ACSS3: variants seen among roughly 807,000 people sequenced by gnomAD.
The protein encoded by ACSS3 is acyl-CoA synthetase short-chain family member 3, mitochondrial.
Under a neutral mutation model 84.2 loss-of-function variants are expected in ACSS3, and 64 were observed. That is an observed-to-expected ratio of 0.76 (90% CI 0.62 to 0.94). The LOEUF is 0.94. Among genes scored for constraint, ACSS3 ranks in the 40% least tolerant of loss-of-function variants. ACSS3 has a pLI of 0.00. For missense variants in ACSS3, 815 were observed against 867.6 expected (o/e 0.94, Z 0.76); for synonymous variants, 317 against 310.1 (o/e 1.02, Z -0.23).
intron 7 of ACSS3, among the ~76,000 whole-genome samples, chr12:81,161,155 C>T (rs996431030): frequency 6.6e-6 from 1 of 152,182 alleles, no homozygotes; most frequent in South Asian, 2.1e-4. Flanking sequence ...CTTTCAAAGT[C>T]TGTTTGTCCT....
chr12:81,205,503 G>A (rs1282093186), intron 9 of ACSS3, among the ~76,000 whole-genome samples: 4 of 152,058 alleles, frequency 2.6e-5, no homozygotes, highest in Admixed American at 6.6e-5. Context: ...TAATTACTAA[G>A]AGTTTGATAA....
chr12:81,195,880 A>G (rs1565714775), intron 8 of ACSS3, among the ~76,000 whole-genome samples: 1 of 152,236 alleles, frequency 6.6e-6, no homozygotes, highest in Non-Finnish European at 1.5e-5. Flanking sequence ...CTCCTAGATA[A>G]TTTTGAATAT....
intron 1 of ACSS3, among the ~76,000 whole-genome samples, chr12:81,078,713 T>A (rs1880781300): frequency 6.6e-6 from 1 of 151,996 alleles, no homozygotes; most frequent in African/African-American, 2.4e-5. Context: ...GTAAGAAAAC[T>A]AAAACAAGAT....
intron 13 of ACSS3, among the ~76,000 whole-genome samples, chr12:81,234,028 C>A (rs897088653): frequency 6.6e-6 from 1 of 151,488 alleles, no homozygotes; most frequent in African/African-American, 2.4e-5. Flanking sequence ...ACAATTTCAA[C>A]GCTGTCAAAT....
intron 1 of ACSS3, among the ~76,000 whole-genome samples, chr12:81,085,582 A>C (rs2121293252): frequency 6.6e-6 from 1 of 152,362 alleles, no homozygotes; most frequent in Non-Finnish European, 1.5e-5. Flanking sequence ...CCAGTGGCTA[A>C]GCCCAGAATC....
intron 7 of ACSS3, among the ~76,000 whole-genome samples, chr12:81,169,960 T>C (rs2029904555): frequency 6.6e-6 from 1 of 152,090 alleles, no homozygotes; most frequent in Admixed American, 6.6e-5. Flanking sequence ...TTCTCAAAAG[T>C]AGTGCTCAGA....
chr12:81,253,474 C>A lies in ACSS3; in HGVS notation c.1820-21C>A, dbSNP rs368057976. 3.7e-6 allele frequency: 6 copies of A among 1,613,220 alleles called. No individual in the cohort carries two copies. The African/African-American group carries it at 8.0e-5, about 22-fold the overall frequency. On this transcript the variant is annotated intron_variant, in intron 14 of 15. Coordinates refer to ENST00000548058, the MANE Select transcript of ACSS3 (RefSeq NM_024560.4). ...TTAACTAAGGTTAATTCAGTGCTTA[C>A]CATCTGAACTTTCTCTCTAGATATA... is the stretch of plus-strand genomic sequence containing the variant.
chr12:81,094,918 C>T (rs2121360721), intron 1 of ACSS3, among the ~76,000 whole-genome samples: 1 of 152,276 alleles, frequency 6.6e-6, no homozygotes, highest in Admixed American at 6.5e-5. Flanking sequence ...TTGGGGTCCT[C>T]CTCCCCTGCA....
At chr12:81,098,263 C>T (rs10778787) in intron 1 of ACSS3, among the ~76,000 whole-genome samples, 49,164 of 151,560 alleles carry the variant, frequency 0.32, 8,270 homozygotes, top group Admixed American at 0.45. Flanking sequence ...AGGCTCCAGC[C>T]GCCCACAACC....
chr12:81,202,534 G>A (rs1178038916), intron 9 of ACSS3, among the ~76,000 whole-genome samples: 4 of 152,116 alleles, frequency 2.6e-5, no homozygotes, highest in Non-Finnish European at 4.4e-5. Context: ...ATGTTTAAGA[G>A]AAGGTTAGCT....
chr12:81,108,047 A>G (rs1484107316), intron 1 of ACSS3, among the ~76,000 whole-genome samples: 1 of 152,090 alleles, frequency 6.6e-6, no homozygotes, highest in African/African-American at 2.4e-5. Context: ...GAGGAAAGAG[A>G]CAAAATACTT....
At chr12:81,083,776 C>G (rs2121280564) in intron 1 of ACSS3, among the ~76,000 whole-genome samples, 1 of 152,088 alleles carries the variant, frequency 6.6e-6, no homozygotes, top group Admixed American at 6.5e-5. Context: ...TCCAGACCAT[C>G]CTGGCCAACA....
At chr12:81,114,934 A>G (rs1423519455) in intron 2 of ACSS3, among the ~76,000 whole-genome samples, 2 of 152,110 alleles carry the variant, frequency 1.3e-5, no homozygotes, top group African/African-American at 2.4e-5. Context: ...CAGCCCCTAC[A>G]TGATTGCTAT....
intron 1 of ACSS3, among the ~76,000 whole-genome samples, chr12:81,085,091 A>C (rs563992066): frequency 5.3e-4 from 80 of 152,336 alleles, no homozygotes; most frequent in Non-Finnish European, 8.5e-4. Context: ...AGAAGTGAAG[A>C]AATTATGAAA....
At chr12:81,135,517 AG>A (rs1287682535) in intron 3 of ACSS3, among the ~76,000 whole-genome samples, 4 of 150,462 alleles carry the variant, frequency 2.7e-5, no homozygotes, top group African/African-American at 2.4e-5. Flanking sequence ...CAAAGAATAA[AG>A]TAATACCTTT....
chr12:81,164,587 C>T (rs1887313225), intron 7 of ACSS3, among the ~76,000 whole-genome samples: 1 of 152,106 alleles, frequency 6.6e-6, no homozygotes, highest in Admixed American at 6.5e-5. Flanking sequence ...AATACTCTTG[C>T]TAAATTATCC....
chr12:81,132,469 G>T (rs1258505161), intron 2 of ACSS3, among the ~76,000 whole-genome samples: 1 of 152,024 alleles, frequency 6.6e-6, no homozygotes, highest in Non-Finnish European at 1.5e-5. Flanking sequence ...GGGATCGGTG[G>T]TGATATCCCC....
intron 10 of ACSS3, among the ~76,000 whole-genome samples, chr12:81,218,747 A>G (rs1364197965): frequency 1.3e-5 from 2 of 152,132 alleles, no homozygotes; most frequent in African/African-American, 4.8e-5. Flanking sequence ...CCATTTTTAT[A>G]TCTAGTTGTA....
At chr12:81,077,891 T>C (rs1178484608), upstream of ACSS3, 1 of 495,204 alleles carries the variant, frequency 2.0e-6, no homozygotes, top group East Asian at 3.3e-5. Flanking sequence ...GCAACTAACC[T>C]GCTGCAACGG....
Sources: allele counts gnomAD v4.1 joint callset (sites outside exome capture counted in the v4.1 genomes callset), GRCh38; gene constraint gnomAD v4.1.1; transcripts MANE v1.5; gene names NCBI Gene and HGNC (gene_info 2026-07-23, HGNC 2026-07-21).